The following NLRC3 variants were observed in gnomAD, a reference collection of about 807,000 sequenced individuals.
The protein encoded by NLRC3 is NLR family CARD domain containing 3.
Under a neutral mutation model 91.6 loss-of-function variants are expected in NLRC3, and 87 were observed. The ratio of observed to expected loss-of-function variants is 0.95; its 90% CI spans 0.80 to 1.14. The LOEUF (loss-of-function observed/expected upper bound fraction) is 1.14. Among genes scored for constraint, NLRC3 ranks in the 50% most tolerant of loss-of-function variants. The probability of loss-of-function intolerance (pLI) is 0.00; values close to 1 mark genes in which losing one functional copy is unlikely to be tolerated. For missense variants in NLRC3, 1,577 were observed against 1,418.6 expected, an observed-to-expected ratio of 1.11 and a Z score of -1.79; for synonymous variants, 694 against 625.3, an observed-to-expected ratio of 1.11 and a Z score of -1.64.
Position 3,549,194 on chromosome 16 carries a change from C to G in NLRC3, c.2551G>C (p.Ala851Pro), listed in dbSNP as rs912959448. ...CAGAGGGCATGAGCGATGGCCTGGG[C>G]TCCCTCGGGACTGATGGAGTTTTCT... ...LRENSISPEG[A>P]QAIAHALCAN... is the part of the protein sequence containing the mutation. The change falls in exon 13 of 20, where the codon GCC becomes CCC. Residue 851 changes from alanine to proline, a missense_variant. Ala to Pro is a conservative substitution (Grantham distance 27). Coordinates refer to ENST00000359128, the MANE Select transcript of NLRC3 (RefSeq NM_178844.4). The G allele has an allele frequency of 6.3e-7, 1 of 1,588,860 alleles. No homozygotes were observed. Among genetic ancestry groups the G allele is most frequent in the Non-Finnish European group, 8.6e-7 (1 of 1,167,438 alleles).
intron 1 of NLRC3, among the ~76,000 whole-genome samples, chr16:3,575,100 A>G (rs1282207734): frequency 6.6e-6 from 1 of 152,234 alleles, no homozygotes; most frequent in Non-Finnish European, 1.5e-5. Context: ...CATTTGACCA[A>G]GTGTCCTGTA....
chr16:3,572,566 G>T (rs1201161866), intron 1 of NLRC3, among the ~76,000 whole-genome samples: 4 of 152,168 alleles, frequency 2.6e-5, no homozygotes, highest in Non-Finnish European at 5.9e-5. Context: ...GGAATTATTG[G>T]CATGAGCCAC....
In NLRC3 at chr16:3,577,153, C is replaced by T. The variant is rs764411379; in HGVS notation, c.-173G>A. 3.7e-5 allele frequency: 26 copies of T among 702,970 alleles called. No homozygotes were observed. The highest frequency in any genetic ancestry group is 5.4e-5 in the East Asian group (2 of 37,298). 43.5% of individuals were successfully genotyped at this position (702,970 alleles called of 1,614,324 possible). On this transcript the variant is annotated 5_prime_UTR_variant, in exon 1 of 20. Coordinates refer to ENST00000359128, the MANE Select transcript of NLRC3 (RefSeq NM_178844.4). ...GGTCACCTGGACCCAACTTACCTCCCGGGCCTCGATGCTGCTCCAGGGACA... is the reference window on the plus strand; with the variant it reads ...GGTCACCTGGACCCAACTTACCTCCTGGGCCTCGATGCTGCTCCAGGGACA...
chr16:3,550,408 A>G lies in NLRC3; in HGVS notation c.2435+6T>C. ...GGGGAATCGTCACCCTGGCAGGTGG[A>G]CTCACTCCAGGCTCTCCAGGCCCTG... On this transcript the variant is annotated splice_donor_region_variant and intron_variant, in intron 11 of 19. Coordinates refer to ENST00000359128, the MANE Select transcript of NLRC3 (RefSeq NM_178844.4). 1.3e-6 allele frequency: 2 copies of G among 1,597,974 alleles called. No homozygotes were observed. The highest frequency in any genetic ancestry group is 1.7e-6 in the Non-Finnish European group (2 of 1,165,470).
chr16:3,543,515 C>T lies in NLRC3; in HGVS notation c.2856-7G>A, dbSNP rs753039112. The T allele has an allele frequency of 1.5e-5, 24 of 1,609,290 alleles. No individual in the cohort carries two copies. Among genetic ancestry groups the T allele is most frequent in the African/African-American group, 1.1e-4 (8 of 74,898 alleles). ...AATTGAGGCCACCTGGAGACTGGGG[C>T]GGAGAGGGTGCCGTCAGTGTGAGCC... On this transcript the variant is annotated splice_polypyrimidine_tract_variant and splice_region_variant and intron_variant, in intron 16 of 19. Coordinates refer to ENST00000359128, the MANE Select transcript of NLRC3 (RefSeq NM_178844.4).
intron 9 of NLRC3, among the ~76,000 whole-genome samples, chr16:3,552,671 GT>G (rs1266988504): frequency 6.6e-6 from 1 of 152,098 alleles, no homozygotes; most frequent in Non-Finnish European, 1.5e-5. Context: ...GCCAGGTACG[GT>G]GGCTCATGCC....
At position 3,554,314 on chromosome 16, in the gene NLRC3, T is replaced by A; in HGVS notation, c.2195A>T (p.Asn732Ile). Residue 732 changes from asparagine to isoleucine, a missense_variant, in exon 9 of 20, where the codon AAC (asparagine) becomes ATC (isoleucine). By Grantham distance (149) the Asn-to-Ile change is moderately radical. Transcript: ENST00000359128. Reference sequence around the variant, plus strand: ...CCTGGCACCATCATCCCTAACGGTGTTGCCCTGGAGGCTGCAGAGACAAGA... The same window carrying A: ...CCTGGCACCATCATCCCTAACGGTGATGCCCTGGAGGCTGCAGAGACAAGA... The part of the protein sequence containing the change: ...RTLTSLSLQG[N>I]TVRDDGARSM... 6.2e-7 allele frequency: 1 copy of A among 1,613,542 alleles called. No homozygotes were observed. The highest frequency in any genetic ancestry group is 1.7e-5 in the Admixed American group (1 of 60,006).
At chr16:3,552,916 G>A (rs1196910998) in intron 9 of NLRC3, among the ~76,000 whole-genome samples, 3 of 152,110 alleles carry the variant, frequency 2.0e-5, no homozygotes, top group Non-Finnish European at 4.4e-5. Context: ...CTCCAGGCGG[G>A]CAATAGAGCG....
intron 1 of NLRC3, among the ~76,000 whole-genome samples, chr16:3,570,777 C>G (rs752694475): frequency 6.6e-6 from 1 of 152,138 alleles, no homozygotes; most frequent in Non-Finnish European, 1.5e-5. Flanking sequence ...TGGCACCACC[C>G]CCTCAGGGCT....
chr16:3,568,549 C>A (rs1347622261), intron 1 of NLRC3, among the ~76,000 whole-genome samples: 1 of 152,112 alleles, frequency 6.6e-6, no homozygotes, highest in Non-Finnish European at 1.5e-5. Context: ...AGTAGTGAGA[C>A]CGTAGCTCTA....
At chr16:3,569,892 G>C (rs1322608911) in intron 1 of NLRC3, among the ~76,000 whole-genome samples, 1 of 152,032 alleles carries the variant, frequency 6.6e-6, no homozygotes, top group Non-Finnish European at 1.5e-5. Flanking sequence ...GATTTATTTT[G>C]TTCTATTACC....
rs552504419 is a variant in NLRC3, at chr16:3,543,330, G to A, written c.2939+95C>T. 1.1e-5 allele frequency: 9 copies of A among 856,906 alleles called. 1 individual carries two copies. The South Asian group carries it at 1.2e-4, about 11-fold the overall frequency. 53.1% of individuals were successfully genotyped at this position (856,906 alleles called of 1,614,324 possible). A position where few individuals can be genotyped will look rare whatever the true frequency, so the allele number is the denominator to read the frequency against. On this transcript the variant is annotated intron_variant, in intron 17 of 19. Transcript: ENST00000359128. ...GAAATGAAGATCACCAGGATGATTTGTGAGTTGTCTGTAAACTTTGTCCCC... is the reference window on the plus strand; with the variant it reads ...GAAATGAAGATCACCAGGATGATTTATGAGTTGTCTGTAAACTTTGTCCCC...
At chr16:3,548,037 G>A (rs2038788840) in intron 15 of NLRC3, 98 bp downstream of exon 15, 3 of 761,218 alleles carry the variant, frequency 3.9e-6, no homozygotes, top group Non-Finnish European at 6.7e-6. Context: ...GAGTGCCAGG[G>A]GTCACTGGAT....
Position 3,543,514 on chromosome 16 carries a change from G to T in NLRC3, c.2856-6C>A. 6.2e-7 allele frequency: 1 copy of T among 1,610,184 alleles called. No homozygotes were observed. The highest frequency in any genetic ancestry group is 2.2e-5 in the East Asian group (1 of 44,846). ...CAATTGAGGCCACCTGGAGACTGGG[G>T]CGGAGAGGGTGCCGTCAGTGTGAGC... On this transcript the variant is annotated splice_polypyrimidine_tract_variant and splice_region_variant and intron_variant, in intron 16 of 19. Transcript: ENST00000359128.
intron 1 of NLRC3, among the ~76,000 whole-genome samples, chr16:3,570,915 A>T (rs1252532832): frequency 2.6e-5 from 4 of 152,022 alleles, no homozygotes; most frequent in African/African-American, 9.7e-5. Context: ...ACACTAAATG[A>T]TTTTCTGATA....
At chr16:3,548,816 T>C (rs2038837952) in intron 13 of NLRC3, 63 bp from the exon 14 acceptor site, 28 of 1,159,744 alleles carry the variant, frequency 2.4e-5, no homozygotes, top group Non-Finnish European at 3.2e-5. Flanking sequence ...CGGTCCTTGG[T>C]CACCAGGGAT....
Position 3,561,786 on chromosome 16 carries a change from A to G in NLRC3, c.1931T>C (p.Leu644Pro), listed in dbSNP as rs769505073. ...GGGGTCCTGGAACTGGTTGGTGTCC[A>G]GCCTGGCCAAGGGGAGCAGTGACAG... The part of the protein sequence containing the change: ...PQLLYCRKLR[L>P]DTNQFQDPVM... The change falls in exon 6 of 20, where the codon CTG becomes CCG. Residue 644 changes from leucine (L) to proline (P), a missense_variant and splice_region_variant. Transcript: ENST00000359128. The G allele has an allele frequency of 4.3e-6, 7 of 1,612,718 alleles. No individual in the cohort carries two copies. In the African/African-American group the frequency reaches 9.3e-5, roughly 22 times the overall value.
Position 3,543,491 on chromosome 16 carries a change from AT to A in NLRC3, c.2872del (p.Ile958LeufsTer9). 1.2e-6 allele frequency: 2 copies of A among 1,612,994 alleles called. No individual in the cohort carries two copies. The highest frequency in any genetic ancestry group is 1.7e-6 in the Non-Finnish European group (2 of 1,179,534). Reference protein sequence around the residue: ...LTALYLQVASIGASGAQVLGE... With the variant: ...LTALYLQVASXGASGAQVLGE... ...TAGCACCTGGGCGCCTGAAGCACCA[AT>A]TGAGGCCACCTGGAGACTGGGGCGG... On this transcript the variant is annotated frameshift_variant, in exon 17 of 20. Coordinates refer to ENST00000359128, the MANE Select transcript of NLRC3 (RefSeq NM_178844.4). LOFTEE classifies it high-confidence loss of function.
intron 8 of NLRC3, among the ~76,000 whole-genome samples, chr16:3,556,217 G>C (rs1389592881): frequency 7.0e-6 from 1 of 143,582 alleles, no homozygotes; most frequent in African/African-American, 2.6e-5. Flanking sequence ...TGTAATCCCA[G>C]CTACTTGGAA....
Sources: gnomAD v4.1 joint callset for allele counts (sites outside exome capture counted in the v4.1 genomes callset) on GRCh38, gnomAD v4.1.1 for gene constraint, MANE v1.5 for transcripts, NCBI Gene and HGNC (gene_info 2026-07-23, HGNC 2026-07-21) for gene names.